Variants in UNC5D observed in about 807,000 individuals in gnomAD.
The protein encoded by UNC5D is netrin receptor UNC5D.
Under a neutral mutation model 105.4 loss-of-function variants are expected in UNC5D, and 39 were observed. The ratio of observed to expected loss-of-function variants is 0.37; its 90% CI spans 0.29 to 0.48. The LOEUF is 0.48. Among genes scored for constraint, UNC5D ranks in the 20% least tolerant of loss-of-function variants. UNC5D has a pLI of 0.98. For synonymous variants in UNC5D, 452 were observed against 450.4 expected (o/e 1.00, Z -0.04); for missense variants, 991 against 1,202.4 (o/e 0.82, Z 2.60).
intron 1 of UNC5D, among the ~76,000 whole-genome samples, chr8:35,448,571 A>C (rs1185021079): frequency 6.6e-6 from 1 of 152,144 alleles, no homozygotes; most frequent in Non-Finnish European, 1.5e-5. Context: ...GCACCTCCCC[A>C]GCAGAGGTGG....
At chr8:35,344,443 C>G (rs1380115060) in intron 1 of UNC5D, among the ~76,000 whole-genome samples, 1 of 151,970 alleles carries the variant, frequency 6.6e-6, no homozygotes, top group Admixed American at 6.6e-5. Flanking sequence ...TGTGTAACTA[C>G]AGAAGACTGT....
chr8:35,486,365 C>T (rs966123162), intron 1 of UNC5D, among the ~76,000 whole-genome samples: 14 of 152,100 alleles, frequency 9.2e-5, no homozygotes, highest in African/African-American at 3.1e-4. Flanking sequence ...GCATTAAGCT[C>T]AATGAAGTTC....
intron 11 of UNC5D, among the ~76,000 whole-genome samples, chr8:35,746,282 G>A (rs1002238569): frequency 3.3e-5 from 5 of 152,124 alleles, no homozygotes; most frequent in African/African-American, 7.2e-5. Context: ...ATAGGTGTGC[G>A]AAGAGCTTTA....
intron 4 of UNC5D, among the ~76,000 whole-genome samples, chr8:35,608,376 T>G (rs1820450574): frequency 6.6e-6 from 1 of 152,164 alleles, no homozygotes; most frequent in African/African-American, 2.4e-5. Context: ...TCAGCTACAT[T>G]AAGGGTTAAA....
At chr8:35,700,923 G>A (rs1827153887) in intron 7 of UNC5D, among the ~76,000 whole-genome samples, 1 of 152,288 alleles carries the variant, frequency 6.6e-6, no homozygotes, top group South Asian at 2.1e-4. Flanking sequence ...CTATTCTATA[G>A]ACTTCAGAAT....
At chr8:35,380,872 C>G (rs1803001457) in intron 1 of UNC5D, among the ~76,000 whole-genome samples, 1 of 152,146 alleles carries the variant, frequency 6.6e-6, no homozygotes, top group East Asian at 1.9e-4. Flanking sequence ...GCCTTGAAGA[C>G]AAAGTAATTT....
intron 1 of UNC5D, among the ~76,000 whole-genome samples, chr8:35,498,201 C>G (rs150403031): frequency 2.7e-5 from 4 of 148,656 alleles, no homozygotes; most frequent in African/African-American, 7.4e-5. Flanking sequence ...ACAGACATGT[C>G]TACTAAGTCA....
chr8:35,276,754 G>A (rs1185089883), intron 1 of UNC5D, among the ~76,000 whole-genome samples: 3 of 152,150 alleles, frequency 2.0e-5, no homozygotes, highest in African/African-American at 7.2e-5. Flanking sequence ...GTGGTTAGGT[G>A]AAATATTAAA....
intron 1 of UNC5D, among the ~76,000 whole-genome samples, chr8:35,268,096 A>G (rs1380857886): frequency 6.6e-6 from 1 of 152,200 alleles, no homozygotes; most frequent in Non-Finnish European, 1.5e-5. Context: ...TTTGTTTCCT[A>G]TAAATTCCCA....
intron 1 of UNC5D, among the ~76,000 whole-genome samples, chr8:35,273,249 C>T (rs187348631): frequency 5.9e-5 from 9 of 152,262 alleles, no homozygotes; most frequent in South Asian, 4.1e-4. Context: ...CAGCACTTCC[C>T]GAATTAATCA....
intron 1 of UNC5D, among the ~76,000 whole-genome samples, chr8:35,403,330 A>C (rs1804591617): frequency 6.6e-6 from 1 of 152,168 alleles, no homozygotes; most frequent in Admixed American, 6.5e-5. Flanking sequence ...CAGCTAAAGG[A>C]AGATGCTTCT....
intron 1 of UNC5D, among the ~76,000 whole-genome samples, chr8:35,535,797 CTTAA>C (rs1814792842): frequency 6.6e-6 from 1 of 152,076 alleles, no homozygotes; most frequent in African/African-American, 2.4e-5. Context: ...TTAATTTTTC[CTTAA>C]TTAATAATAA....
At chr8:35,637,176 C>G (rs1177859946) in intron 4 of UNC5D, among the ~76,000 whole-genome samples, 1 of 152,144 alleles carries the variant, frequency 6.6e-6, no homozygotes, top group Non-Finnish European at 1.5e-5. Context: ...CTGTGTAAAG[C>G]CCATAAACAG....
At chr8:35,551,195 G>A (rs1384063810) in intron 2 of UNC5D, among the ~76,000 whole-genome samples, 5 of 152,186 alleles carry the variant, frequency 3.3e-5, no homozygotes, top group Admixed American at 1.3e-4. Context: ...TCAGGTGAGA[G>A]AAGGTAAGAA....
At chr8:35,505,238 A>G (rs1257679714) in intron 1 of UNC5D, among the ~76,000 whole-genome samples, 1 of 152,276 alleles carries the variant, frequency 6.6e-6, no homozygotes, top group Non-Finnish European at 1.5e-5. Flanking sequence ...GTACATTTTT[A>G]TAATTTTGGG....
In UNC5D at chr8:35,420,450, A is replaced by G. The variant is rs184167186; in HGVS notation, c.104-128842A>G. Among the ~76,000 whole-genome samples the G allele has an allele frequency of 2.0e-3, 300 of 152,290 alleles. 2 individuals are homozygous for G. The highest frequency in any genetic ancestry group is 2.7e-3 in the Non-Finnish European group (183 of 68,026). ...TGGTGGTTCATAAAGGTGATTGCCA[A>G]TGCGGTACTCTGAACTGTCTTGTGT... On this transcript the variant is annotated intron_variant, in intron 1 of 16. Transcript: ENST00000404895.
intron 11 of UNC5D, among the ~76,000 whole-genome samples, chr8:35,742,265 AAG>A (rs1554599471): frequency 6.6e-6 from 1 of 152,078 alleles, no homozygotes; most frequent in Non-Finnish European, 1.5e-5. Context: ...AAAAAAAAAA[AAG>A]AGAGAGAGAC....
chr8:35,241,622 T>C (rs1802811019), intron 1 of UNC5D, among the ~76,000 whole-genome samples: 2 of 152,192 alleles, frequency 1.3e-5, no homozygotes, highest in African/African-American at 2.4e-5. Context: ...ATTCTTCTTA[T>C]ATGACCAGTC....
chr8:35,687,908 A>C (rs1378704803), intron 7 of UNC5D, among the ~76,000 whole-genome samples: 1 of 152,070 alleles, frequency 6.6e-6, no homozygotes, highest in Non-Finnish European at 1.5e-5. Flanking sequence ...GTCTTTAAAA[A>C]ACACGAGGTC....
Sources: allele counts gnomAD v4.1 joint callset (sites outside exome capture counted in the v4.1 genomes callset), GRCh38; gene constraint gnomAD v4.1.1; transcripts MANE v1.5; gene names NCBI Gene and HGNC (gene_info 2026-07-23, HGNC 2026-07-21).